The following IDE variants were observed in gnomAD, a reference collection of about 807,000 sequenced individuals.
IDE encodes insulin degrading enzyme.
Under a neutral mutation model 133.2 loss-of-function variants are expected in IDE, and 58 were observed. The observed-to-expected ratio is 0.44, with a 90% CI of 0.35 to 0.54. The LOEUF is 0.54. IDE is among the 20% of genes least tolerant of loss of function. The pLI, the probability that IDE is intolerant of heterozygous loss-of-function variation, is 0.00. For missense variants in IDE, 981 were observed against 1,234.0 expected (o/e 0.79, Z 3.07); for synonymous variants, 396 against 421.3 (o/e 0.94, Z 0.73).
At chr10:92,517,145 C>CA (rs888022222) in intron 4 of IDE, among the ~76,000 whole-genome samples, 2 of 151,954 alleles carry the variant, frequency 1.3e-5, no homozygotes, top group Non-Finnish European at 2.9e-5. Flanking sequence ...GATATAGGGG[C>CA]ACTGGGAAAG....
At chr10:92,479,230 T>G in intron 15 of IDE, 47 bp downstream of exon 15, 1 of 1,408,338 alleles carries the variant, frequency 7.1e-7, no homozygotes, top group Non-Finnish European at 9.7e-7. Flanking sequence ...ATCAAATCAA[T>G]ATAAAAAATG....
At position 92,453,032 on chromosome 10, in the gene IDE, A is replaced by C. The variant is rs900845469; in HGVS notation, c.*1412T>G. On this transcript the variant is annotated 3_prime_UTR_variant, in exon 25 of 25. Transcript: ENST00000265986. The stretch of plus-strand genomic sequence containing the variant: ...TGGAAAATGGCAAATGTAAAAACTT[A>C]AGATGTGAAAAGGTATGACTTTACA... 6.6e-6 allele frequency: 1 copy of C among 152,250 alleles called. No individual in the cohort carries two copies. 9.4% of individuals were successfully genotyped at this position (152,250 alleles called of 1,614,324 possible). A position where few individuals can be genotyped will look rare whatever the true frequency, so the allele number is the denominator to read the frequency against.
At chr10:92,569,027 T>C (rs1843676518) in intron 1 of IDE, among the ~76,000 whole-genome samples, 1 of 152,078 alleles carries the variant, frequency 6.6e-6, no homozygotes, top group Non-Finnish European at 1.5e-5. Context: ...AGGCAATATA[T>C]AAACATCAAA....
At chr10:92,550,284 G>T (rs984983799) in intron 1 of IDE, among the ~76,000 whole-genome samples, 1 of 152,048 alleles carries the variant, frequency 6.6e-6, no homozygotes, top group Non-Finnish European at 1.5e-5. Context: ...TTAATATCCA[G>T]AATATATTAA....
At chr10:92,538,447 C>A (rs1433753071) in intron 1 of IDE, among the ~76,000 whole-genome samples, 1 of 152,140 alleles carries the variant, frequency 6.6e-6, no homozygotes, top group African/African-American at 2.4e-5. Flanking sequence ...GCAGCAATAA[C>A]AAGGACATAA....
intron 1 of IDE, among the ~76,000 whole-genome samples, chr10:92,564,944 A>G: frequency 6.6e-6 from 1 of 151,874 alleles, no homozygotes; most frequent in Non-Finnish European, 1.5e-5. Flanking sequence ...TCTAAAATTA[A>G]GAGATCAAGA....
intron 13 of IDE, 119 bp downstream of exon 13, chr10:92,487,077 C>T: frequency 1.1e-6 from 1 of 886,862 alleles, no homozygotes; most frequent in Non-Finnish European, 1.7e-6. Flanking sequence ...TTTTTGTCAC[C>T]TATTAGGATG....
At chr10:92,551,128 G>C (rs1304394165) in intron 1 of IDE, among the ~76,000 whole-genome samples, 1 of 152,214 alleles carries the variant, frequency 6.6e-6, no homozygotes, top group African/African-American at 2.4e-5. Flanking sequence ...AGCAGTACTG[G>C]CAACAGCCAA....
At chr10:92,470,180 A>G in intron 18 of IDE, 74 bp downstream of exon 18, 1 of 996,648 alleles carries the variant, frequency 1.0e-6, no homozygotes, top group Non-Finnish European at 1.5e-6. Flanking sequence ...CTGGTTAACA[A>G]TCTTGAGAAA....
intron 1 of IDE, among the ~76,000 whole-genome samples, chr10:92,557,310 G>A (rs959051813): frequency 4.5e-4 from 68 of 152,262 alleles, no homozygotes; most frequent in African/African-American, 1.5e-3. Context: ...GCCGAGGGGG[G>A]TGGATCACGA....
chr10:92,537,352 A>G lies in IDE; in HGVS notation c.283+14T>C. 6.3e-7 allele frequency: 1 copy of G among 1,576,904 alleles called. No individual in the cohort carries two copies. Among genetic ancestry groups the G allele is most frequent in the Non-Finnish European group, 8.6e-7 (1 of 1,163,832 alleles). ...GAAACAAAACAAAGCTTAATTCACA[A>G]TTTTCAATTGTACCTATGTGCACAT... On this transcript the variant is annotated intron_variant, in intron 2 of 24. Transcript: ENST00000265986.
intron 4 of IDE, among the ~76,000 whole-genome samples, chr10:92,523,129 CTAGAG>C (rs935096047): frequency 2.0e-5 from 3 of 152,078 alleles, no homozygotes; most frequent in Admixed American, 6.6e-5. Context: ...AATAAGCATA[CTAGAG>C]TAAATAGCAG....
chr10:92,535,142 C>T (rs771658727), intron 2 of IDE, among the ~76,000 whole-genome samples: 4 of 152,078 alleles, frequency 2.6e-5, no homozygotes, highest in Non-Finnish European at 4.4e-5. Context: ...CTTGCTCTGT[C>T]GCCCAGGCTG....
intron 1 of IDE, among the ~76,000 whole-genome samples, chr10:92,560,580 C>T (rs1233170256): frequency 6.6e-6 from 1 of 151,764 alleles, no homozygotes; most frequent in Non-Finnish European, 1.5e-5. Context: ...GACAGGAGTT[C>T]AAGACGAGCC....
At chr10:92,505,041 A>G (rs1283003680) in intron 10 of IDE, 144 bp from the exon 11 acceptor site, 1 of 501,600 alleles carries the variant, frequency 2.0e-6, no homozygotes, top group Non-Finnish European at 3.5e-6. Flanking sequence ...AATTTTCTGT[A>G]GCCCTAAATC....
intron 1 of IDE, among the ~76,000 whole-genome samples, chr10:92,544,979 A>C (rs1842477236): frequency 6.6e-6 from 1 of 152,236 alleles, no homozygotes; most frequent in Non-Finnish European, 1.5e-5. Context: ...TATAATCAGA[A>C]AAAAGAGAAG....
At chr10:92,461,729 A>T (rs1264050171) in intron 21 of IDE, among the ~76,000 whole-genome samples, 1 of 150,506 alleles carries the variant, frequency 6.6e-6, no homozygotes, top group Non-Finnish European at 1.5e-5. Flanking sequence ...CAGTGGTGCG[A>T]TCTCAGCTCA....
chr10:92,552,046 T>TG (rs572259519), intron 1 of IDE, among the ~76,000 whole-genome samples: 53 of 151,694 alleles, frequency 3.5e-4, no homozygotes, highest in Admixed American at 4.6e-4. Flanking sequence ...CCAACCATGA[T>TG]GGGGGGGTGG....
chr10:92,463,809 C>T lies in IDE; in HGVS notation c.2683G>A (p.Asp895Asn), dbSNP rs1051901293. ...HIQALAIRRL[D>N]KPKKLSAECA... Reference sequence around the variant, plus strand: ...TCAGCAGATAGCTTCTTTGGTTTGTCTAGTCGACGAATTGCTAATGCCTGA... The same window carrying T: ...TCAGCAGATAGCTTCTTTGGTTTGTTTAGTCGACGAATTGCTAATGCCTGA... Residue 895 changes from aspartate to asparagine, a missense_variant, in exon 21 of 25, where the codon GAC (aspartate) becomes AAC (asparagine). This residue lies in a region of IDE where 660 missense variants were observed against 894.7 expected (regional missense o/e 0.74). Transcript: ENST00000265986. 5.0e-6 allele frequency: 8 copies of T among 1,614,018 alleles called. No individual in the cohort carries two copies. The highest frequency in any genetic ancestry group is 6.8e-6 in the Non-Finnish European group (8 of 1,179,984).
Sources: allele counts gnomAD v4.1 joint callset (sites outside exome capture counted in the v4.1 genomes callset), GRCh38; gene constraint gnomAD v4.1.1; regional missense constraint gnomAD v4.1.1; transcripts MANE v1.5; gene names NCBI Gene and HGNC (gene_info 2026-07-23, HGNC 2026-07-21).